Variants in CBX1 observed in about 807,000 individuals in gnomAD.
CBX1 encodes the protein chromobox protein homolog 1.
CBX1 carries 10 observed loss-of-function variants against 25.1 expected under a neutral mutation model. That is an observed-to-expected ratio of 0.40 (90% CI 0.25 to 0.68). The LOEUF (loss-of-function observed/expected upper bound fraction) is 0.68, where lower values mean the gene tolerates loss of function less well. CBX1 is among the 30% of genes least tolerant of loss of function. The pLI, the probability that CBX1 is intolerant of heterozygous loss-of-function variation, is 0.40. For missense variants in CBX1, 106 were observed against 218.5 expected (o/e 0.49, Z 3.25); for synonymous variants, 63 against 79.4 (o/e 0.79, Z 1.10).
chr17:48,073,161 G>C (rs1458261912), intron 4 of CBX1, among the ~76,000 whole-genome samples: 1 of 151,916 alleles, frequency 6.6e-6, no homozygotes, highest in Non-Finnish European at 1.5e-5. Flanking sequence ...AGGTTATTAG[G>C]AATGTCCTAG....
intron 1 of CBX1, among the ~76,000 whole-genome samples, chr17:48,093,284 AT>A (rs999129064): frequency 6.6e-6 from 1 of 150,468 alleles, no homozygotes; most frequent in African/African-American, 2.4e-5. Context: ...CAAAAATAAA[AT>A]TAAAAAAAAA....
chr17:48,092,763 T>C (rs1473667780), intron 1 of CBX1, among the ~76,000 whole-genome samples: 2 of 151,718 alleles, frequency 1.3e-5, no homozygotes, highest in Admixed American at 6.6e-5. Context: ...CGAGACTCTA[T>C]CTCTAAAAGA....
At position 48,074,999 on chromosome 17, in the gene CBX1, G is replaced by A. The variant is rs367599145; in HGVS notation, c.413+7C>T. ...AAACAACCACACAGAGCCACTGGCC[G>A]ACTCACCATTTCATCAGGAACATGA... On this transcript the variant is annotated splice_region_variant and intron_variant, in intron 4 of 4. Coordinates refer to ENST00000225603, the MANE Select transcript of CBX1 (RefSeq NM_001127228.2). The A allele has an allele frequency of 3.0e-5, 48 of 1,598,982 alleles. No homozygotes were observed. The highest frequency in any genetic ancestry group is 2.0e-4 in the East Asian group (9 of 44,800).
intron 1 of CBX1, among the ~76,000 whole-genome samples, chr17:48,083,590 A>C (rs1487435092): frequency 1.3e-5 from 2 of 150,386 alleles, no homozygotes; most frequent in Non-Finnish European, 2.9e-5. Flanking sequence ...TGGGAGGCCG[A>C]GGTGAGCGGA....
intron 4 of CBX1, among the ~76,000 whole-genome samples, chr17:48,072,920 A>G (rs577390657): frequency 6.6e-6 from 1 of 152,234 alleles, no homozygotes; most frequent in African/African-American, 2.4e-5. Flanking sequence ...CCAGGAGTTC[A>G]AGACCAGCCT....
chr17:48,089,327 T>G (rs1359519523), intron 1 of CBX1, among the ~76,000 whole-genome samples: 1 of 150,808 alleles, frequency 6.6e-6, no homozygotes, highest in Non-Finnish European at 1.5e-5. Flanking sequence ...GGTCTCTATC[T>G]CCTGACCTCG....
chr17:48,084,918 A>T (rs937541198), intron 1 of CBX1, among the ~76,000 whole-genome samples: 2 of 152,058 alleles, frequency 1.3e-5, no homozygotes, highest in African/African-American at 4.8e-5. Flanking sequence ...TCACAAAAAA[A>T]AACAAAAAAA....
intron 1 of CBX1, among the ~76,000 whole-genome samples, chr17:48,094,558 C>G (rs2063361992): frequency 6.6e-6 from 1 of 151,908 alleles, no homozygotes; most frequent in South Asian, 2.1e-4. Flanking sequence ...TGGTGAAACC[C>G]CGTGTCTACT....
At chr17:48,090,985 CAAT>C (rs1175028797) in intron 1 of CBX1, among the ~76,000 whole-genome samples, 49 of 152,276 alleles carry the variant, frequency 3.2e-4, no homozygotes, top group African/African-American at 1.2e-3. Flanking sequence ...ATGGCACAGA[CAAT>C]AAACAAGAAA....
intron 1 of CBX1, among the ~76,000 whole-genome samples, chr17:48,093,463 G>T (rs1272219619): frequency 6.6e-6 from 1 of 152,112 alleles, no homozygotes; most frequent in African/African-American, 2.4e-5. Context: ...AACTGGCGAG[G>T]GCATCAGTAA....
intron 1 of CBX1, chr17:48,095,904 G>C (rs538489745): frequency 1.3e-5 from 2 of 151,934 alleles, no homozygotes; most frequent in Non-Finnish European, 2.9e-5. Context: ...TTTTGGAGAT[G>C]GAGTCTTGCT....
In CBX1 at chr17:48,101,394, G is replaced by A; in HGVS notation, c.-164C>T. The A allele has an allele frequency of 2.0e-6, 2 of 985,646 alleles. No homozygotes were observed. Among genetic ancestry groups the A allele is most frequent in the Non-Finnish European group, 2.4e-6 (2 of 830,050 alleles). The allele number at this position is 985,646 out of a possible 1,614,324, so 61.1% of individuals were successfully genotyped here. A position where few individuals can be genotyped will look rare whatever the true frequency, so the allele number is the denominator to read the frequency against. The stretch of plus-strand genomic sequence containing the variant: ...GGTGGCCGCAGTGGCGTCCCTCACT[G>A]AAGCGGCGTACCGCAGGCCCCGGCC... On this transcript the variant is annotated 5_prime_UTR_variant, in exon 1 of 5. Coordinates refer to ENST00000225603, the MANE Select transcript of CBX1 (RefSeq NM_001127228.2).
intron 1 of CBX1, among the ~76,000 whole-genome samples, chr17:48,087,621 C>A (rs547028062): frequency 4.6e-5 from 7 of 151,770 alleles, no homozygotes; most frequent in African/African-American, 1.7e-4. Context: ...TGCCTGTAAC[C>A]CCAACACTTT....
At chr17:48,077,123 G>T in intron 1 of CBX1, 82 bp from the exon 2 acceptor site, 1 of 1,064,124 alleles carries the variant, frequency 9.4e-7, no homozygotes, top group Non-Finnish European at 1.4e-6. Context: ...GAAAACCAGG[G>T]ACATGACAGG....
At chr17:48,086,595 C>T (rs561372770) in intron 1 of CBX1, among the ~76,000 whole-genome samples, 4 of 152,196 alleles carry the variant, frequency 2.6e-5, no homozygotes, top group Non-Finnish European at 4.4e-5. Context: ...ATGGCTCACA[C>T]CTGTAATCCC....
intron 1 of CBX1, among the ~76,000 whole-genome samples, chr17:48,085,794 G>A (rs899259070): frequency 6.6e-6 from 1 of 152,124 alleles, no homozygotes; most frequent in Non-Finnish European, 1.5e-5. Flanking sequence ...GGCCAGGCGC[G>A]GTGGCTCACG....
chr17:48,091,937 T>G (rs2063345964), intron 1 of CBX1, among the ~76,000 whole-genome samples: 2 of 137,808 alleles, frequency 1.5e-5, no homozygotes, highest in African/African-American at 5.5e-5. Flanking sequence ...CCTCGACCAC[T>G]CAAAGTACTC....
chr17:48,080,954 ATATATATATATATATATAT>A (rs2037730544), intron 1 of CBX1, among the ~76,000 whole-genome samples: 1 of 18,526 alleles, frequency 5.4e-5, no homozygotes, highest in Admixed American at 7.3e-4. Flanking sequence ...AAAAAAAAAT[ATATATATATATATATATAT>A]ATATATATAT....
intron 2 of CBX1, 101 bp downstream of exon 2, chr17:48,076,764 C>T: frequency 9.8e-7 from 1 of 1,021,294 alleles, no homozygotes; most frequent in Non-Finnish European, 1.4e-6. Context: ...AAGGTGGGGA[C>T]TGAGTCACAC....
Sources: gnomAD v4.1 joint callset for allele counts (sites outside exome capture counted in the v4.1 genomes callset) on GRCh38, gnomAD v4.1.1 for gene constraint, MANE v1.5 for transcripts, NCBI Gene and HGNC (gene_info 2026-07-23, HGNC 2026-07-21) for gene names.